Variants in RALYL observed in about 807,000 individuals in gnomAD.
The protein encoded by RALYL is RALY RNA binding protein like.
RALYL carries 29 observed loss-of-function variants against 35.1 expected under a neutral mutation model. That is an observed-to-expected ratio of 0.83 (90% CI 0.61 to 1.13). The LOEUF (loss-of-function observed/expected upper bound fraction) is 1.13, where lower values mean the gene tolerates loss of function less well. Ranked by LOEUF, RALYL falls within the 50% of genes most tolerant of loss-of-function variation. RALYL has a pLI of 0.00. For synonymous variants in RALYL, 120 were observed against 127.6 expected (o/e 0.94, Z 0.40); for missense variants, 359 against 360.4 (o/e 1.00, Z 0.03).
At chr8:84,614,461 T>G (rs891510080) in intron 2 of RALYL, among the ~76,000 whole-genome samples, 2 of 151,704 alleles carry the variant, frequency 1.3e-5, no homozygotes, top group African/African-American at 2.4e-5. Flanking sequence ...AACTTTAGAT[T>G]ACATCTTCCC....
At chr8:84,913,023 GA>G (rs1847774799) in intron 8 of RALYL, among the ~76,000 whole-genome samples, 2 of 138,810 alleles carry the variant, frequency 1.4e-5, no homozygotes, top group Non-Finnish European at 1.5e-5. Context: ...TGGATGGATG[GA>G]TGGATGGATA....
At chr8:84,454,809 C>G (rs1399482992) in intron 1 of RALYL, among the ~76,000 whole-genome samples, 1 of 152,076 alleles carries the variant, frequency 6.6e-6, no homozygotes, top group African/African-American at 2.4e-5. Flanking sequence ...TTCTGAATCC[C>G]TGTTCCCAAC....
intron 2 of RALYL, among the ~76,000 whole-genome samples, chr8:84,586,729 A>G (rs925145220): frequency 6.6e-6 from 1 of 152,174 alleles, no homozygotes; most frequent in Non-Finnish European, 1.5e-5. Context: ...ATTTCTATAT[A>G]TTCCTAGGGT....
intron 2 of RALYL, among the ~76,000 whole-genome samples, chr8:84,645,226 G>A (rs1392055458): frequency 5.3e-5 from 8 of 151,700 alleles, no homozygotes; most frequent in Admixed American, 5.3e-4. Context: ...TTTTTACTGT[G>A]TTTTCCCCCC....
chr8:84,725,200 CAG>C (rs1844716850), intron 2 of RALYL, among the ~76,000 whole-genome samples: 1 of 151,560 alleles, frequency 6.6e-6, no homozygotes. Context: ...ATAGTTTAGG[CAG>C]AGTCTTAGGT....
chr8:84,740,556 A>G (rs1039192190), intron 2 of RALYL, among the ~76,000 whole-genome samples: 20 of 152,158 alleles, frequency 1.3e-4, no homozygotes, highest in Non-Finnish European at 1.8e-4. Flanking sequence ...ACCTTCTGAA[A>G]GTTTTAAGTG....
At chr8:84,371,707 T>C (rs1297249630) in intron 1 of RALYL, among the ~76,000 whole-genome samples, 1 of 152,014 alleles carries the variant, frequency 6.6e-6, no homozygotes. Context: ...TCATTAGAGA[T>C]GAGAAAACTT....
chr8:84,416,855 A>G (rs972671558), intron 1 of RALYL, among the ~76,000 whole-genome samples: 7 of 152,214 alleles, frequency 4.6e-5, no homozygotes, highest in Admixed American at 2.6e-4. Flanking sequence ...TAAAGTTGCA[A>G]AGGAAGGAAT....
At chr8:84,275,843 C>T (rs2132010236) in intron 1 of RALYL, among the ~76,000 whole-genome samples, 1 of 152,134 alleles carries the variant, frequency 6.6e-6, no homozygotes, top group Admixed American at 6.5e-5. Flanking sequence ...TTAGCAAGAT[C>T]TTTACAAATG....
intron 1 of RALYL, among the ~76,000 whole-genome samples, chr8:84,340,726 A>C (rs1848640825): frequency 6.6e-6 from 1 of 152,082 alleles, no homozygotes. Flanking sequence ...ATCAGTGGGT[A>C]GTTAAGGTGT....
rs1275366123 is a variant in RALYL at position 84,229,905 on chromosome 8, G to T, written c.-24+45481G>T. On this transcript the variant is annotated intron_variant, in intron 1 of 8. Transcript: ENST00000521268. ...TGATAAATCTGATTTTGAAATATAGGATAAGAAGATTGCTTGTAGAATTAA... is the reference window on the plus strand; with the variant it reads ...TGATAAATCTGATTTTGAAATATAGTATAAGAAGATTGCTTGTAGAATTAA... Among the ~76,000 whole-genome samples the T allele has an allele frequency of 2.6e-5, 4 of 152,114 alleles. No homozygotes were observed. In the East Asian group the frequency reaches 7.7e-4, roughly 29 times the overall value.
At chr8:84,407,069 A>AC (rs2043609247) in intron 1 of RALYL, among the ~76,000 whole-genome samples, 1 of 140,860 alleles carries the variant, frequency 7.1e-6, no homozygotes, top group Non-Finnish European at 1.6e-5. Context: ...CACACACACA[A>AC]ACACACACAC....
chr8:84,832,531 A>T (rs1047493526), intron 4 of RALYL, among the ~76,000 whole-genome samples: 2 of 151,996 alleles, frequency 1.3e-5, no homozygotes, highest in Admixed American at 1.3e-4. Context: ...ATGTAGTGCA[A>T]TTTTTCTTTT....
intron 7 of RALYL, among the ~76,000 whole-genome samples, chr8:84,883,606 C>T (rs1226342281): frequency 6.6e-6 from 1 of 152,058 alleles, no homozygotes; most frequent in Non-Finnish European, 1.5e-5. Context: ...TTATCTCCCA[C>T]TGGGTTCTTC....
chr8:84,197,996 A>C (rs1454689422), intron 1 of RALYL, among the ~76,000 whole-genome samples: 3 of 152,142 alleles, frequency 2.0e-5, no homozygotes, highest in African/African-American at 7.2e-5. Context: ...TTTTTGAATT[A>C]ATTAATTAGT....
chr8:84,279,529 T>G (rs114650390), intron 1 of RALYL, among the ~76,000 whole-genome samples: 2 of 152,350 alleles, frequency 1.3e-5, no homozygotes, highest in African/African-American at 4.8e-5. Flanking sequence ...TCAAAGTTTC[T>G]AATAGAAAGT....
chr8:84,316,866 G>A (rs767807261), intron 1 of RALYL, among the ~76,000 whole-genome samples: 1 of 152,114 alleles, frequency 6.6e-6, no homozygotes. Flanking sequence ...AGTCAGTAGA[G>A]AGCTACTGCT....
intron 1 of RALYL, among the ~76,000 whole-genome samples, chr8:84,322,846 GT>G (rs1431309428): frequency 6.6e-6 from 1 of 151,956 alleles, no homozygotes. Flanking sequence ...TCCTCTGCAG[GT>G]CAAGTTATTG....
chr8:84,419,493 A>G (rs370515090), intron 1 of RALYL, among the ~76,000 whole-genome samples: 9 of 152,072 alleles, frequency 5.9e-5, no homozygotes, highest in East Asian at 1.9e-4. Flanking sequence ...CTTGGCTAGT[A>G]CTATCCTGAG....
Sources: gnomAD v4.1 joint callset for allele counts (sites outside exome capture counted in the v4.1 genomes callset) on GRCh38, gnomAD v4.1.1 for gene constraint, MANE v1.5 for transcripts, NCBI Gene and HGNC (gene_info 2026-07-23, HGNC 2026-07-21) for gene names.